Variants in ROBO2 observed in about 807,000 individuals in gnomAD.
ROBO2 encodes the protein roundabout guidance receptor 2, also known as roundabout homolog 2.
In ROBO2, 53 loss-of-function variants were observed where a neutral mutation model predicts 160.8. The observed-to-expected ratio is 0.33, with a 90% CI of 0.26 to 0.41. The LOEUF is 0.41. ROBO2 is among the 10% of genes least tolerant of loss of function. The pLI is 1.00. For missense variants in ROBO2, 1,577 were observed against 1,722.4 expected (o/e 0.92, Z 1.49); for synonymous variants, 664 against 611.7 (o/e 1.09, Z -1.26).
chr3:77,230,283 T>C (rs549490152), intron 2 of ROBO2, among the ~76,000 whole-genome samples: 1 of 152,192 alleles, frequency 6.6e-6, no homozygotes, highest in South Asian at 2.1e-4. Context: ...AGGGTCTCAC[T>C]ATGTTGCCCA....
At chr3:77,431,613 C>A (rs887279572) in intron 2 of ROBO2, among the ~76,000 whole-genome samples, 1 of 152,136 alleles carries the variant, frequency 6.6e-6, no homozygotes. Context: ...GTCTTACTTT[C>A]GTCCTGTGTT....
At chr3:77,456,377 G>A (rs1039544409) in intron 2 of ROBO2, among the ~76,000 whole-genome samples, 3 of 152,098 alleles carry the variant, frequency 2.0e-5, no homozygotes, top group African/African-American at 7.3e-5. Flanking sequence ...TGGTTAGGTA[G>A]GAAAGAGGTA....
chr3:77,504,133 G>A (rs116040034), intron 5 of ROBO2, among the ~76,000 whole-genome samples: 1 of 152,272 alleles, frequency 6.6e-6, no homozygotes, highest in African/African-American at 2.4e-5. Flanking sequence ...AAGTCCCTCT[G>A]AGAAGTGATT....
chr3:76,767,374 A>C (rs2061630789), intron 2 of ROBO2, among the ~76,000 whole-genome samples: 2 of 151,466 alleles, frequency 1.3e-5, no homozygotes, highest in East Asian at 3.9e-4. Context: ...TTCATAAAAT[A>C]ATCAATAAGC....
chr3:77,043,107 G>A (rs1376031784), intron 1 of ROBO2, among the ~76,000 whole-genome samples: 3 of 152,196 alleles, frequency 2.0e-5, no homozygotes, highest in South Asian at 2.1e-4. Context: ...GGGATGTGGA[G>A]AACACTGCCC....
intron 2 of ROBO2, among the ~76,000 whole-genome samples, chr3:77,303,464 A>T (rs915045934): frequency 6.6e-6 from 1 of 152,178 alleles, no homozygotes; most frequent in African/African-American, 2.4e-5. Context: ...CTGTGTTCAT[A>T]ACAGAGTGAA....
intron 6 of ROBO2, among the ~76,000 whole-genome samples, chr3:77,533,663 C>G (rs2091907396): frequency 6.6e-6 from 1 of 152,168 alleles, no homozygotes; most frequent in South Asian, 2.1e-4. Context: ...CTGAATTCCT[C>G]ATGTGCTTTG....
chr3:76,136,502 G>A (rs1258139636), intron 2 of ROBO2, among the ~76,000 whole-genome samples: 2 of 152,086 alleles, frequency 1.3e-5, no homozygotes, highest in African/African-American at 2.4e-5. Flanking sequence ...GGAAAGCTTG[G>A]AAGTGTGATA....
At chr3:76,524,047 G>T (rs1195152167) in intron 2 of ROBO2, among the ~76,000 whole-genome samples, 1 of 151,486 alleles carries the variant, frequency 6.6e-6, no homozygotes. Context: ...AGAAAAATCT[G>T]AAGAAAATAA....
intron 2 of ROBO2, among the ~76,000 whole-genome samples, chr3:76,870,889 TTTA>T: frequency 6.6e-6 from 1 of 152,096 alleles, no homozygotes. Context: ...TAGTTTTCAT[TTTA>T]TTAAGTATGG....
At chr3:76,856,624 C>T (rs1335174800) in intron 2 of ROBO2, among the ~76,000 whole-genome samples, 3 of 152,212 alleles carry the variant, frequency 2.0e-5, no homozygotes, top group South Asian at 2.1e-4. Context: ...TGGGCAACAT[C>T]CCCAGAAAAC....
chr3:76,378,227 T>G (rs2076444772), intron 2 of ROBO2, among the ~76,000 whole-genome samples: 1 of 152,194 alleles, frequency 6.6e-6, no homozygotes, highest in African/African-American at 2.4e-5. Context: ...AATCCATGTT[T>G]CAAAGGAGAT....
chr3:76,757,474 G>A (rs2061040901), intron 2 of ROBO2, among the ~76,000 whole-genome samples: 1 of 151,792 alleles, frequency 6.6e-6, no homozygotes, highest in Non-Finnish European at 1.5e-5. Flanking sequence ...GAAAACAGGG[G>A]GATGAGTTGA....
chr3:76,024,081 A>C (rs918579078), intron 2 of ROBO2, among the ~76,000 whole-genome samples: 2 of 151,506 alleles, frequency 1.3e-5, no homozygotes, highest in Non-Finnish European at 3.0e-5. Flanking sequence ...TTATATTCAG[A>C]ATGTTTTCTT....
intron 2 of ROBO2, among the ~76,000 whole-genome samples, chr3:76,701,762 G>A (rs1464539739): frequency 6.6e-6 from 1 of 151,442 alleles, no homozygotes; most frequent in African/African-American, 2.4e-5. Context: ...AAAATGAATT[G>A]CAGGCATTTT....
chr3:76,377,557 A>G (rs1231794135), intron 2 of ROBO2, among the ~76,000 whole-genome samples: 1 of 152,150 alleles, frequency 6.6e-6, no homozygotes, highest in East Asian at 1.9e-4. Flanking sequence ...TGTTCATTTT[A>G]TCCCTGCTAA....
chr3:77,470,215 A>G (rs1038633215), intron 2 of ROBO2, among the ~76,000 whole-genome samples: 1 of 152,202 alleles, frequency 6.6e-6, no homozygotes, highest in Non-Finnish European at 1.5e-5. Context: ...AGAGAATTTT[A>G]TCTTAAGAGC....
chr3:76,697,753 A>C (rs1193155892), intron 2 of ROBO2, among the ~76,000 whole-genome samples: 3 of 152,130 alleles, frequency 2.0e-5, no homozygotes, highest in Non-Finnish European at 4.4e-5. Context: ...TGCCTACAAA[A>C]TGTCATTTTC....
intron 2 of ROBO2, among the ~76,000 whole-genome samples, chr3:77,120,110 G>A (rs550732471): frequency 6.6e-6 from 1 of 152,308 alleles, no homozygotes; most frequent in Non-Finnish European, 1.5e-5. Context: ...TTTCTATACT[G>A]AAATTCCATT....
Sources: gnomAD v4.1 joint callset for allele counts (sites outside exome capture counted in the v4.1 genomes callset) on GRCh38, gnomAD v4.1.1 for gene constraint, MANE v1.5 for transcripts, NCBI Gene and HGNC (gene_info 2026-07-23, HGNC 2026-07-21) for gene names.